The following TERB1 variants were observed in gnomAD, a reference collection of about 807,000 sequenced individuals.
TERB1 encodes telomere repeat binding bouquet formation protein 1.
In TERB1, 63 loss-of-function variants were observed where a neutral mutation model predicts 92.3. That is an observed-to-expected ratio of 0.68 (90% CI 0.56 to 0.84). The LOEUF (loss-of-function observed/expected upper bound fraction) is 0.84. Ranked by LOEUF, TERB1 falls within the 40% of genes least tolerant of loss-of-function variation. The pLI is 0.00. For synonymous variants in TERB1, 252 were observed against 283.9 expected (o/e 0.89, Z 1.13); for missense variants, 709 against 843.7 (o/e 0.84, Z 1.98).
intron 11 of TERB1, among the ~76,000 whole-genome samples, chr16:66,776,772 A>G (rs922003316): frequency 6.6e-5 from 10 of 152,190 alleles, no homozygotes; most frequent in African/African-American, 2.4e-4. Context: ...AGTAATAGGT[A>G]GAAAAAGAAA....
chr16:66,793,433 G>T (rs1305977509), intron 3 of TERB1, among the ~76,000 whole-genome samples: 1 of 151,730 alleles, frequency 6.6e-6, no homozygotes, highest in Non-Finnish European at 1.5e-5. Flanking sequence ...GGCCAGGCTG[G>T]TCTCAAACTC....
intron 16 of TERB1, among the ~76,000 whole-genome samples, chr16:66,763,559 C>T (rs931455730): frequency 2.0e-5 from 3 of 151,952 alleles, no homozygotes; most frequent in Admixed American, 6.6e-5. Flanking sequence ...ACATATTGTC[C>T]GTCTCTCTCT....
chr16:66,786,344 G>T (rs1271468410), intron 6 of TERB1, 59 bp from the exon 7 acceptor site: 3 of 1,166,636 alleles, frequency 2.6e-6, no homozygotes, highest in Non-Finnish European at 3.7e-6. Context: ...TTGCAGAAAT[G>T]AAGAACAGTT....
At chr16:66,765,074 A>AAG (rs1567466785) in intron 16 of TERB1, among the ~76,000 whole-genome samples, 1 of 152,224 alleles carries the variant, frequency 6.6e-6, no homozygotes, top group Non-Finnish European at 1.5e-5. Flanking sequence ...ATCTGGCAGG[A>AAG]AGAGAGAGAT....
Position 66,775,166 on chromosome 16 carries a change from C to T in TERB1, c.1063G>A (p.Glu355Lys), listed in dbSNP as rs2018524297. 3.2e-6 allele frequency: 5 copies of T among 1,551,550 alleles called. No homozygotes were observed. Among genetic ancestry groups the T allele is most frequent in the Non-Finnish European group, 4.4e-6 (5 of 1,146,952 alleles). The stretch of plus-strand genomic sequence containing the variant: ...ACAAATGTGGCAGCTTTGTTCAGTT[C>T]CTCATTCTGCGATTCAGTTAAGGCT... ...IQALTESQNE[E>K]LNKAATFVLH... Residue 355 changes from glutamate to lysine, a missense_variant, in exon 12 of 19, where the codon GAA (glutamate) becomes AAA (lysine). Glu to Lys is a moderately conservative substitution (Grantham distance 56). Coordinates refer to ENST00000433154, the MANE Select transcript of TERB1 (RefSeq NM_001136505.2).
At chr16:66,798,272 T>G (rs932868121) in intron 2 of TERB1, among the ~76,000 whole-genome samples, 1 of 151,730 alleles carries the variant, frequency 6.6e-6, no homozygotes, top group South Asian at 2.1e-4. Flanking sequence ...TTCAAACTCC[T>G]GGGCTCAAGT....
Position 66,788,163 on chromosome 16 carries a change from A to G in TERB1, c.400+6T>C, listed in dbSNP as rs2018759249. ...TTTTCAAATAGTCATAAGAGAATGTACTTACTATTATTTGAAACCAGAACC... is the reference window on the plus strand; with the variant it reads ...TTTTCAAATAGTCATAAGAGAATGTGCTTACTATTATTTGAAACCAGAACC... On this transcript the variant is annotated splice_donor_region_variant and intron_variant, in intron 6 of 18. Coordinates refer to ENST00000433154, the MANE Select transcript of TERB1 (RefSeq NM_001136505.2). The G allele has an allele frequency of 4.2e-6, 6 of 1,441,498 alleles. No individual in the cohort carries two copies. The highest frequency in any genetic ancestry group is 5.5e-6 in the Non-Finnish European group (6 of 1,081,160). 89.3% of individuals were successfully genotyped at this position (1,441,498 alleles called of 1,614,324 possible). A position where few individuals can be genotyped will look rare whatever the true frequency, so the allele number is the denominator to read the frequency against.
chr16:66,778,575 G>A (rs922447434), intron 10 of TERB1, among the ~76,000 whole-genome samples: 31 of 152,018 alleles, frequency 2.0e-4, no homozygotes, highest in Admixed American at 1.7e-3. Context: ...CCGCCACCAC[G>A]TTTGGCTAAT....
chr16:66,800,625 C>T (rs1034632059), intron 2 of TERB1, among the ~76,000 whole-genome samples: 2 of 151,932 alleles, frequency 1.3e-5, no homozygotes, highest in African/African-American at 4.8e-5. Context: ...TTGTGTAAGG[C>T]TGGCAGGGCT....
At position 66,770,213 on chromosome 16, in the gene TERB1, G is replaced by A. The variant is rs377273441; in HGVS notation, c.1369C>T (p.Arg457Ter). 5.2e-6 allele frequency: 8 copies of A among 1,552,018 alleles called. No homozygotes were observed. The highest frequency in any genetic ancestry group is 2.4e-5 in the East Asian group (1 of 40,904). The stretch of plus-strand genomic sequence containing the variant: ...TCCTCATCTTCTGCTTTGCTACCTC[G>A]ACCAATCCGATCTGCATGGAGATGT... ...WKHLHADRIG[R>*]GSKAEDEDKS... Residue 457 changes from arginine (R) to a stop codon, truncating the protein, a stop_gained, in exon 14 of 19, where the codon CGA (arginine) becomes TGA (stop). Coordinates refer to ENST00000433154, the MANE Select transcript of TERB1 (RefSeq NM_001136505.2). LOFTEE classifies it high-confidence loss of function.
intron 9 of TERB1, among the ~76,000 whole-genome samples, chr16:66,780,406 A>AT (rs2018616822): frequency 6.6e-6 from 1 of 151,468 alleles, no homozygotes; most frequent in Non-Finnish European, 1.5e-5. Context: ...CAAAATAAAA[A>AT]AAAAAAATTG....
chr16:66,758,923 TC>T (rs2018182906), intron 17 of TERB1, 85 bp from the exon 18 acceptor site: 2 of 1,033,372 alleles, frequency 1.9e-6, no homozygotes, highest in Admixed American at 5.3e-5. Context: ...TTTCCTTTAT[TC>T]CCCCGTCTAG....
rs117416496 is a variant in TERB1 at position 66,788,071 on chromosome 16, A to C, written c.400+98T>G. On this transcript the variant is annotated intron_variant, in intron 6 of 18. Coordinates refer to ENST00000433154, the MANE Select transcript of TERB1 (RefSeq NM_001136505.2). ...GCAAGACTCTGTCTCCAAAAACACA[A>C]AAAAACAAAACTGATATAAGAACTC... The C allele has an allele frequency of 1.4e-4, 146 of 1,060,336 alleles. 1 individual carries two copies. In the East Asian group the frequency reaches 4.2e-3, roughly 30 times the overall value. The allele number at this position is 1,060,336 out of a possible 1,614,324, so 65.7% of individuals were successfully genotyped here.
Position 66,775,147 on chromosome 16 carries a change from G to A in TERB1, c.1082C>T (p.Thr361Ile). The A allele has an allele frequency of 6.4e-7, 1 of 1,551,624 alleles. No homozygotes were observed. The highest frequency in any genetic ancestry group is 8.7e-7 in the Non-Finnish European group (1 of 1,146,958). The stretch of plus-strand genomic sequence containing the variant: ...TTTTTTGCAGTTGTGAAGCACAAAT[G>A]TGGCAGCTTTGTTCAGTTCCTCATT... ...SQNEELNKAA[T>I]FVLHNCKKIT... The change falls in exon 12 of 19, where the codon ACA becomes ATA. Residue 361 changes from threonine to isoleucine, a missense_variant. Thr to Ile is a moderately conservative substitution (Grantham distance 89, BLOSUM62 -1). Coordinates refer to ENST00000433154, the MANE Select transcript of TERB1 (RefSeq NM_001136505.2).
At chr16:66,762,012 C>G (rs968274774) in intron 16 of TERB1, among the ~76,000 whole-genome samples, 1 of 152,212 alleles carries the variant, frequency 6.6e-6, no homozygotes, top group Non-Finnish European at 1.5e-5. Flanking sequence ...GAGATCACAC[C>G]GCTGCACGCC....
intron 3 of TERB1, among the ~76,000 whole-genome samples, chr16:66,793,688 A>G (rs1567479452): frequency 6.6e-6 from 1 of 151,486 alleles, no homozygotes; most frequent in Non-Finnish European, 1.5e-5. Flanking sequence ...AATTTTTTTT[A>G]TTTTAGTAGA....
chr16:66,759,053 C>T (rs2018184743), intron 17 of TERB1, 88 bp downstream of exon 17: 2 of 1,180,234 alleles, frequency 1.7e-6, no homozygotes. Flanking sequence ...ATTATTTTAT[C>T]CTCTAGTTTT....
At chr16:66,785,394 T>A (rs1465665461) in intron 9 of TERB1, among the ~76,000 whole-genome samples, 1 of 152,056 alleles carries the variant, frequency 6.6e-6, no homozygotes, top group Non-Finnish European at 1.5e-5. Flanking sequence ...TAATTTTCCT[T>A]ATGATTTATG....
At chr16:66,781,490 A>T (rs1235546795) in intron 9 of TERB1, among the ~76,000 whole-genome samples, 5 of 147,260 alleles carry the variant, frequency 3.4e-5, no homozygotes, top group Non-Finnish European at 7.5e-5. Flanking sequence ...GATTTATAAG[A>T]GCTGTTTACA....
Sources: gnomAD v4.1 joint callset for allele counts (sites outside exome capture counted in the v4.1 genomes callset) on GRCh38, gnomAD v4.1.1 for gene constraint, MANE v1.5 for transcripts, NCBI Gene and HGNC (gene_info 2026-07-23, HGNC 2026-07-21) for gene names.